Variants in LRRTM4 observed in about 807,000 individuals in gnomAD.
LRRTM4 encodes the protein leucine rich repeat transmembrane neuronal 4, also known as leucine-rich repeat transmembrane neuronal protein 4.
Under a neutral mutation model 47.6 loss-of-function variants are expected in LRRTM4, and 25 were observed. The observed-to-expected ratio is 0.53, with a 90% CI of 0.38 to 0.73. The LOEUF (loss-of-function observed/expected upper bound fraction) is 0.73, where lower values mean the gene tolerates loss of function less well. Among genes scored for constraint, LRRTM4 ranks in the 30% least tolerant of loss-of-function variants. LRRTM4 has a pLI of 0.00. For missense variants in LRRTM4, 638 were observed against 713.4 expected (o/e 0.89, Z 1.20); for synonymous variants, 311 against 269.5 (o/e 1.15, Z -1.51).
chr2:77,246,440 A>C (rs1440067227), intron 3 of LRRTM4, among the ~76,000 whole-genome samples: 2 of 152,202 alleles, frequency 1.3e-5, no homozygotes, highest in African/African-American at 4.8e-5. Flanking sequence ...TGTGCTGTTC[A>C]AAATTGGCAC....
chr2:77,179,918 A>G (rs1295588390), intron 3 of LRRTM4, among the ~76,000 whole-genome samples: 1 of 152,164 alleles, frequency 6.6e-6, no homozygotes, highest in African/African-American at 2.4e-5. Context: ...AGAAATACAT[A>G]AGTGTATTGT....
intron 3 of LRRTM4, among the ~76,000 whole-genome samples, chr2:77,135,921 A>T (rs1214258116): frequency 6.6e-6 from 1 of 152,174 alleles, no homozygotes; most frequent in African/African-American, 2.4e-5. Flanking sequence ...ACAGCATTCA[A>T]AACATTACTT....
chr2:76,911,937 G>GGGT (rs1674074989), intron 3 of LRRTM4, among the ~76,000 whole-genome samples: 1 of 8,852 alleles, frequency 1.1e-4, no homozygotes, highest in Non-Finnish European at 3.1e-4. Context: ...GTGCTTTTTG[G>GGGT]GGGGGGGGGG....
intron 3 of LRRTM4, among the ~76,000 whole-genome samples, chr2:77,160,414 A>C (rs894770264): frequency 2.6e-5 from 4 of 151,938 alleles, no homozygotes; most frequent in Non-Finnish European, 4.4e-5. Context: ...TAAATTAGAG[A>C]TGCTGTGTTT....
At chr2:77,271,104 C>T (rs185015817) in intron 3 of LRRTM4, among the ~76,000 whole-genome samples, 30 of 152,238 alleles carry the variant, frequency 2.0e-4, no homozygotes, top group East Asian at 9.7e-4. Context: ...GTCCCCTCTC[C>T]GCTGACAGCC....
chr2:77,070,403 T>C (rs1307220246), intron 3 of LRRTM4, among the ~76,000 whole-genome samples: 6 of 146,980 alleles, frequency 4.1e-5, no homozygotes, highest in Non-Finnish European at 7.7e-5. Context: ...TGGATGTCAC[T>C]CTCTCTATAT....
At chr2:76,781,040 G>C (rs1363992870) in intron 3 of LRRTM4, among the ~76,000 whole-genome samples, 13 of 152,096 alleles carry the variant, frequency 8.5e-5, no homozygotes, top group Non-Finnish European at 1.6e-4. Flanking sequence ...CAGTGTGCCC[G>C]TGCTTGGGGG....
intron 3 of LRRTM4, among the ~76,000 whole-genome samples, chr2:76,866,150 A>C (rs548083643): frequency 1.3e-4 from 20 of 152,224 alleles, no homozygotes; most frequent in African/African-American, 4.8e-4. Flanking sequence ...TCCCACAGAA[A>C]AACACCAATT....
intron 3 of LRRTM4, among the ~76,000 whole-genome samples, chr2:77,080,808 T>C (rs1680504779): frequency 6.6e-6 from 1 of 152,196 alleles, no homozygotes; most frequent in African/African-American, 2.4e-5. Flanking sequence ...TACTTAACAA[T>C]GCCTATAAAG....
At chr2:76,985,553 C>G (rs1005532753) in intron 3 of LRRTM4, among the ~76,000 whole-genome samples, 2 of 151,916 alleles carry the variant, frequency 1.3e-5, no homozygotes, top group Admixed American at 6.6e-5. Context: ...GAAAGATCTC[C>G]TCCTGAGACT....
chr2:77,166,295 A>G (rs1018691918), intron 3 of LRRTM4, among the ~76,000 whole-genome samples: 3 of 152,122 alleles, frequency 2.0e-5, no homozygotes, highest in East Asian at 1.9e-4. Flanking sequence ...CCACTGCTCA[A>G]TGAAATAAGA....
At chr2:76,824,515 G>A (rs1671139061) in intron 3 of LRRTM4, among the ~76,000 whole-genome samples, 2 of 151,450 alleles carry the variant, frequency 1.3e-5, no homozygotes, top group African/African-American at 4.8e-5. Context: ...ACTTTATTTT[G>A]AATATTGCTT....
intron 3 of LRRTM4, among the ~76,000 whole-genome samples, chr2:77,221,182 C>T (rs1043741896): frequency 2.9e-4 from 44 of 152,220 alleles, no homozygotes; most frequent in African/African-American, 9.6e-4. Flanking sequence ...ACCAGGCCTG[C>T]CCTAAAAGAG....
rs181496043 is a variant in LRRTM4, at chr2:76,966,567, A to G, written c.1552-217651T>C. ...ACACAAGCAAGAAGAAAATCCCTCA[A>G]TTCTCCATTTCCCATTGTAACTTAA... On this transcript the variant is annotated intron_variant, in intron 3 of 3. Coordinates refer to ENST00000409884, the MANE Select transcript of LRRTM4 (RefSeq NM_001134745.3). 2.3e-4 allele frequency among the ~76,000 whole-genome samples: 35 copies of G among 151,582 alleles called. No homozygotes were observed. The East Asian group carries it at 6.5e-3, about 28-fold the overall frequency.
At chr2:77,007,697 A>T (rs1677708335) in intron 3 of LRRTM4, among the ~76,000 whole-genome samples, 1 of 152,204 alleles carries the variant, frequency 6.6e-6, no homozygotes, top group African/African-American at 2.4e-5. Context: ...GAAAGAATAA[A>T]GGAAGGTATT....
At chr2:77,400,206 C>T (rs1673890231) in intron 3 of LRRTM4, among the ~76,000 whole-genome samples, 1 of 151,558 alleles carries the variant, frequency 6.6e-6, no homozygotes, top group Admixed American at 6.6e-5. Context: ...TAACATGATA[C>T]CGTATTCTTT....
chr2:76,929,868 A>C (rs1296184549), intron 3 of LRRTM4, among the ~76,000 whole-genome samples: 1 of 152,048 alleles, frequency 6.6e-6, no homozygotes, highest in African/African-American at 2.4e-5. Flanking sequence ...TATTTTTAAA[A>C]GTAGGTGAAT....
At chr2:77,231,827 C>T (rs961726723) in intron 3 of LRRTM4, among the ~76,000 whole-genome samples, 2 of 152,100 alleles carry the variant, frequency 1.3e-5, no homozygotes, top group Non-Finnish European at 2.9e-5. Flanking sequence ...ATGACTCTAA[C>T]GTTAGGTATT....
intron 3 of LRRTM4, among the ~76,000 whole-genome samples, chr2:76,778,530 T>A (rs530959889): frequency 1.3e-5 from 2 of 151,230 alleles, no homozygotes; most frequent in South Asian, 4.1e-4. Context: ...TCTTGTAGAT[T>A]TTCTAGTTTA....
Sources: allele counts gnomAD v4.1 joint callset (sites outside exome capture counted in the v4.1 genomes callset), GRCh38; gene constraint gnomAD v4.1.1; transcripts MANE v1.5; gene names NCBI Gene and HGNC (gene_info 2026-07-23, HGNC 2026-07-21).